MTCL3: variants seen among roughly 807,000 people sequenced by gnomAD.
MTCL3 encodes the protein microtubule cross-linking factor 3.
the MTCL3 span, chr6:127,515,447 G>C: frequency 7.3e-7 from 1 of 1,363,620 alleles, no homozygotes; most frequent in African/African-American, 1.5e-5. The surrounding 1 kb of genome is among the most constrained non-coding windows in gnomAD (Gnocchi z 4.3). Context: ...ATCCCTGCCG[G>C]TACACGCCCT....
the MTCL3 span, among the ~76,000 whole-genome samples, chr6:127,493,581 T>A: frequency 6.6e-6 from 1 of 152,294 alleles, no homozygotes; most frequent in Admixed American, 6.5e-5. Context: ...GAGACCTGAA[T>A]TTGCCAATAA....
chr6:127,495,100 G>A, the MTCL3 span, among the ~76,000 whole-genome samples: 7 of 151,924 alleles, frequency 4.6e-5, no homozygotes, highest in Non-Finnish European at 8.8e-5. Flanking sequence ...GGAAGGCGGA[G>A]GCAGGAGAAT....
the MTCL3 span, among the ~76,000 whole-genome samples, chr6:127,479,823 A>G: frequency 1.3e-5 from 2 of 152,226 alleles, no homozygotes; most frequent in Non-Finnish European, 2.9e-5. Context: ...ACCACCCTGT[A>G]TGCCAATATG....
the MTCL3 span, among the ~76,000 whole-genome samples, chr6:127,511,264 G>A: frequency 6.6e-6 from 1 of 152,126 alleles, no homozygotes; most frequent in African/African-American, 2.4e-5. Context: ...TCTTTTTGCT[G>A]TTTAAGCCAC....
chr6:127,485,057 T>C, the MTCL3 span, among the ~76,000 whole-genome samples: 3 of 152,196 alleles, frequency 2.0e-5, no homozygotes, highest in African/African-American at 7.2e-5. Flanking sequence ...TTTAATAAGC[T>C]AAAGTTTGCA....
At chr6:127,508,758 A>G in the MTCL3 span, among the ~76,000 whole-genome samples, 1 of 152,216 alleles carries the variant, frequency 6.6e-6, no homozygotes, top group Non-Finnish European at 1.5e-5. Context: ...CACTTCAACA[A>G]GCACCAGACC....
At chr6:127,507,511 C>T in the MTCL3 span, among the ~76,000 whole-genome samples, 6 of 152,232 alleles carry the variant, frequency 3.9e-5, no homozygotes, top group Middle Eastern at 3.4e-3. Flanking sequence ...TTAAAGATCA[C>T]TTCAGAGTAC....
chr6:127,482,216 C>T, the MTCL3 span, among the ~76,000 whole-genome samples: 11 of 152,256 alleles, frequency 7.2e-5, no homozygotes, highest in East Asian at 7.7e-4. The surrounding 1 kb of genome is among the most constrained non-coding windows in gnomAD (Gnocchi z 4.1). Context: ...TTTTCTTGCA[C>T]GAGATCCGAG....
chr6:127,484,691 A>T, the MTCL3 span, among the ~76,000 whole-genome samples: 1 of 152,182 alleles, frequency 6.6e-6, no homozygotes, highest in African/African-American at 2.4e-5. Context: ...GGGGGTTCTC[A>T]GCTTACTTGG....
the MTCL3 span, chr6:127,519,117 C>G: frequency 6.6e-6 from 1 of 152,254 alleles, no homozygotes; most frequent in African/African-American, 2.4e-5. Flanking sequence ...GGAAGATTGG[C>G]AGCAGCGCTC....
chr6:127,501,000 G>A, the MTCL3 span, among the ~76,000 whole-genome samples: 9 of 152,148 alleles, frequency 5.9e-5, no homozygotes, highest in African/African-American at 1.7e-4. Flanking sequence ...TTTTAGTAGA[G>A]ACGGGGTTTC....
At chr6:127,491,212 C>A in the MTCL3 span, among the ~76,000 whole-genome samples, 1 of 152,176 alleles carries the variant, frequency 6.6e-6, no homozygotes, top group Non-Finnish European at 1.5e-5. Flanking sequence ...GAATTTATTC[C>A]AATATTTTAA....
chr6:127,514,572 G>A, the MTCL3 span, among the ~76,000 whole-genome samples: 1 of 152,236 alleles, frequency 6.6e-6, no homozygotes, highest in African/African-American at 2.4e-5. Flanking sequence ...CTCTTGAAGA[G>A]CCACCTTTGC....
At chr6:127,474,427 C>T in the MTCL3 span, among the ~76,000 whole-genome samples, 124 of 151,478 alleles carry the variant, frequency 8.2e-4, no homozygotes, top group Non-Finnish European at 1.3e-3. Flanking sequence ...TACAGGAGTG[C>T]GCCACCACAC....
the MTCL3 span, chr6:127,514,753 TA>T: frequency 7.6e-7 from 1 of 1,316,532 alleles, no homozygotes; most frequent in Non-Finnish European, 1.1e-6. Flanking sequence ...CTTCTCAGCC[TA>T]AAGAGCCCTT....
the MTCL3 span, among the ~76,000 whole-genome samples, chr6:127,491,593 G>T: frequency 6.6e-6 from 1 of 152,150 alleles, no homozygotes; most frequent in African/African-American, 2.4e-5. Flanking sequence ...ACAATAGTGT[G>T]ACTTGCTTTA....
chr6:127,483,463 C>T, the MTCL3 span, among the ~76,000 whole-genome samples: 1 of 152,186 alleles, frequency 6.6e-6, no homozygotes, highest in Non-Finnish European at 1.5e-5. Flanking sequence ...CACCCCCTTG[C>T]TCCTCCTCGA....
the MTCL3 span, among the ~76,000 whole-genome samples, chr6:127,473,661 C>T: frequency 6.6e-6 from 1 of 152,156 alleles, no homozygotes; most frequent in Non-Finnish European, 1.5e-5. Flanking sequence ...CAAAGCAGAG[C>T]AACATGCAAG....
chr6:127,509,075 G>A, the MTCL3 span, among the ~76,000 whole-genome samples: 1 of 152,180 alleles, frequency 6.6e-6, no homozygotes, highest in African/African-American at 2.4e-5. Context: ...TTTTCTACAG[G>A]TTACAGAAAG....
Sources: allele counts gnomAD v4.1 joint callset (sites outside exome capture counted in the v4.1 genomes callset), GRCh38; gene constraint gnomAD v4.1.1; non-coding constraint Gnocchi (gnomAD v3.1); transcripts MANE v1.5; gene names NCBI Gene and HGNC (gene_info 2026-07-23, HGNC 2026-07-21).